RSAD2: variants seen among roughly 807,000 people sequenced by gnomAD.
The protein encoded by RSAD2 is S-adenosylmethionine-dependent nucleotide dehydratase RSAD2.
Under a neutral mutation model 37.7 loss-of-function variants are expected in RSAD2, and 38 were observed. The observed-to-expected ratio is 1.01, with a 90% CI of 0.78 to 1.32. The LOEUF is 1.32. RSAD2 is among the 40% of genes most tolerant of loss of function. The pLI, the probability that RSAD2 is intolerant of heterozygous loss-of-function variation, is 0.00. For missense variants in RSAD2, 428 were observed against 437.5 expected (o/e 0.98, Z 0.19); for synonymous variants, 163 against 157.4 (o/e 1.04, Z -0.27).
rs1329851374 is a variant in RSAD2 at position 6,883,246 on chromosome 2, TA to T, written c.347-124del. 1.8e-5 allele frequency: 18 copies of T among 1,026,720 alleles called. No individual in the cohort carries two copies. In the East Asian group the frequency reaches 4.4e-4, roughly 25 times the overall value. 63.6% of individuals were successfully genotyped at this position (1,026,720 alleles called of 1,614,324 possible). On this transcript the variant is annotated intron_variant, in intron 1 of 5. Coordinates refer to ENST00000382040, the MANE Select transcript of RSAD2 (RefSeq NM_080657.5). ...TGGGATTGGTGTTGGGAACTAGGGTTAGGGGAGGGGAAATTAATGAGAAAGT... is the reference window on the plus strand; with the variant it reads ...TGGGATTGGTGTTGGGAACTAGGGTTGGGGAGGGGAAATTAATGAGAAAGT...
At position 6,878,077 on chromosome 2, in the gene RSAD2, ACAGC is replaced by A. The variant is rs1663322163; in HGVS notation, c.280_283del (p.Ala94LysfsTer46). On this transcript the variant is annotated frameshift_variant, in exon 1 of 6. Transcript: ENST00000382040. LOFTEE classifies it high-confidence loss of function. ...CTACAAATGCGGCTTCTGTTTCCAC[ACAGC>A]CAAAACATCCTTTGTGCTGCCCCTT... 1.7e-5 allele frequency: 28 copies of A among 1,614,170 alleles called. No homozygotes were observed. The highest frequency in any genetic ancestry group is 2.4e-5 in the Non-Finnish European group (28 of 1,180,018).
At chr2:6,877,473 A>C (rs1663305422), upstream of RSAD2, among the ~76,000 whole-genome samples, 1 of 152,238 alleles carries the variant, frequency 6.6e-6, no homozygotes, top group Non-Finnish European at 1.5e-5. Flanking sequence ...TATCTCTATC[A>C]GACAGAGAGC....
chr2:6,890,719 TTTA>T (rs1411598558), intron 4 of RSAD2, among the ~76,000 whole-genome samples: 1 of 152,230 alleles, frequency 6.6e-6, no homozygotes, highest in African/African-American at 2.4e-5. Flanking sequence ...ACATTATCAC[TTTA>T]TTTAGTTGAA....
rs572707012 is a variant in RSAD2, at chr2:6,896,372, T to A, written c.*430T>A. On this transcript the variant is annotated 3_prime_UTR_variant, in exon 6 of 6. Coordinates refer to ENST00000382040, the MANE Select transcript of RSAD2 (RefSeq NM_080657.5). ...ATTTGGATTTGATTTTTTAAAACAA[T>A]GTTTACTGCGATTTCTATATTTCCA... 15 of 153,752 alleles carry A rather than the reference T, an allele frequency of 9.8e-5. No individual in the cohort carries two copies. Among genetic ancestry groups the A allele is most frequent in the African/African-American group, 3.1e-4 (13 of 41,630 alleles). The allele number at this position is 153,752 out of a possible 1,614,324, so 9.5% of individuals were successfully genotyped here.
intron 1 of RSAD2, among the ~76,000 whole-genome samples, chr2:6,880,671 G>A (rs1204411533): frequency 2.0e-5 from 3 of 152,078 alleles, no homozygotes; most frequent in Non-Finnish European, 4.4e-5. Context: ...GCTGCTTGTG[G>A]TTAGAAGATA....
chr2:6,892,429 A>C (rs1663652589), intron 4 of RSAD2, among the ~76,000 whole-genome samples: 1 of 152,144 alleles, frequency 6.6e-6, no homozygotes, highest in East Asian at 1.9e-4. Context: ...ATCAAAGAAA[A>C]TTTGGTTGAG....
At chr2:6,895,428 T>C (rs1663754581) in intron 5 of RSAD2, among the ~76,000 whole-genome samples, 1 of 152,232 alleles carries the variant, frequency 6.6e-6, no homozygotes, top group Non-Finnish European at 1.5e-5. Flanking sequence ...TATGATACCA[T>C]TCCCTCCAAT....
chr2:6,887,273 C>A (rs1044851888), intron 3 of RSAD2, 109 bp downstream of exon 3: 26 of 741,626 alleles, frequency 3.5e-5, no homozygotes, highest in Admixed American at 2.6e-5. Context: ...CTGGACCTCG[C>A]AAGCCAGTCC....
chr2:6,879,666 T>C (rs2103240501), intron 1 of RSAD2, among the ~76,000 whole-genome samples: 1 of 152,208 alleles, frequency 6.6e-6, no homozygotes, highest in East Asian at 1.9e-4. Context: ...AATGTACTAT[T>C]TTGTTCAGTT....
rs189707038 is a variant in RSAD2 at position 6,890,622 on chromosome 2, A to G, written c.888+297A>G. Among the ~76,000 whole-genome samples the G allele has an allele frequency of 2.0e-5, 3 of 152,356 alleles. No individual in the cohort carries two copies. The East Asian group carries it at 5.8e-4, about 29-fold the overall frequency. On this transcript the variant is annotated intron_variant, in intron 4 of 5. Transcript: ENST00000382040. ...TAGATATTCTTGCTATATGATTCAT[A>G]TAAGTATAATGTCCCTATGTGTCAT... is the stretch of plus-strand genomic sequence containing the variant.
intron 3 of RSAD2, among the ~76,000 whole-genome samples, chr2:6,887,790 T>C (rs1663552809): frequency 6.6e-6 from 1 of 152,200 alleles, no homozygotes; most frequent in Non-Finnish European, 1.5e-5. Flanking sequence ...TTGGGCCTCA[T>C]ATCTGCTGCC....
rs1021196943 is a variant in RSAD2 at position 6,897,943 on chromosome 2, C to T, written c.*2001C>T. The T allele has an allele frequency of 3.0e-5, 4 of 131,960 alleles. No individual in the cohort carries two copies. Among genetic ancestry groups the T allele is most frequent in the African/African-American group, 1.2e-4 (4 of 34,430 alleles). The allele number at this position is 131,960 out of a possible 1,614,324, so 8.2% of individuals were successfully genotyped here. A position where few individuals can be genotyped will look rare whatever the true frequency, so the allele number is the denominator to read the frequency against. ...ACCCTGAAGGCAGAGGTTACAGAGC[C>T]AAGATAGCGCCACTGCACTCCAGCC... is the stretch of plus-strand genomic sequence containing the variant. On this transcript the variant is annotated 3_prime_UTR_variant, in exon 6 of 6. Coordinates refer to ENST00000382040, the MANE Select transcript of RSAD2 (RefSeq NM_080657.5).
intron 2 of RSAD2, among the ~76,000 whole-genome samples, chr2:6,885,096 TCAC>T: frequency 6.6e-6 from 1 of 152,246 alleles, no homozygotes; most frequent in Admixed American, 6.5e-5. Flanking sequence ...CCAGCTATGC[TCAC>T]GTCTAGGGTT....
intron 4 of RSAD2, 68 bp downstream of exon 4, chr2:6,890,393 C>T: frequency 6.5e-7 from 1 of 1,536,514 alleles, no homozygotes; most frequent in Non-Finnish European, 8.9e-7. Context: ...AGGGAAGTCT[C>T]TCAGCCAAGG....
chr2:6,881,055 C>A (rs962171754), intron 1 of RSAD2, among the ~76,000 whole-genome samples: 1 of 152,076 alleles, frequency 6.6e-6, no homozygotes, highest in African/African-American at 2.4e-5. Flanking sequence ...CCTCTAAATT[C>A]TATTCCTTCC....
At chr2:6,873,920 A>G (rs1663241163), upstream of RSAD2, among the ~76,000 whole-genome samples, 1 of 152,140 alleles carries the variant, frequency 6.6e-6, no homozygotes, top group East Asian at 1.9e-4. Context: ...AAATTCCAAG[A>G]TGTTATATGA....
chr2:6,885,746 A>C (rs1663504783), intron 2 of RSAD2, among the ~76,000 whole-genome samples: 1 of 149,438 alleles, frequency 6.7e-6, no homozygotes, highest in African/African-American at 2.4e-5. Flanking sequence ...GTCTGTCTTT[A>C]GTATAACTGA....
chr2:6,878,232 G>A, intron 1 of RSAD2, 86 bp downstream of exon 1: 1 of 1,097,958 alleles, frequency 9.1e-7, no homozygotes, highest in Non-Finnish European at 1.3e-6. Flanking sequence ...GTATGCACAA[G>A]CTGGAGAGCT....
intron 1 of RSAD2, among the ~76,000 whole-genome samples, chr2:6,871,073 T>A (rs1276918977): frequency 1.3e-5 from 2 of 152,048 alleles, no homozygotes; most frequent in African/African-American, 4.8e-5. Flanking sequence ...CCAGAGACAA[T>A]GGGAAGCCTT....
Sources: gnomAD v4.1 joint callset for allele counts (sites outside exome capture counted in the v4.1 genomes callset) on GRCh38, gnomAD v4.1.1 for gene constraint, MANE v1.5 for transcripts, NCBI Gene and HGNC (gene_info 2026-07-23, HGNC 2026-07-21) for gene names.